Variants in DST observed in about 807,000 individuals in gnomAD.
The protein encoded by DST is bullous pemphigoid antigen.
In DST, 253 loss-of-function variants were observed where a neutral mutation model predicts 875.2. The observed-to-expected ratio is 0.29, with a 90% CI of 0.26 to 0.32. The LOEUF is 0.32. Among genes scored for constraint, DST ranks in the 10% least tolerant of loss-of-function variants. DST has a pLI of 1.00. For synonymous variants in DST, 3,124 were observed against 3,197.1 expected, an observed-to-expected ratio of 0.98 and a Z score of 0.77; for missense variants, 8,287 against 9,111.6, an observed-to-expected ratio of 0.91 and a Z score of 3.68.
intron 2 of DST, among the ~76,000 whole-genome samples, chr6:56,938,138 AAAAAAATTT>A: frequency 6.7e-6 from 1 of 149,170 alleles, no homozygotes; most frequent in African/African-American, 2.5e-5. Context: ...ATATGTTTAA[AAAAAAATTT>A]TTTTGAGATA....
At chr6:56,636,318 GTATA>G (rs1163065651) in intron 23 of DST, among the ~76,000 whole-genome samples, 2 of 149,054 alleles carry the variant, frequency 1.3e-5, no homozygotes, top group Admixed American at 6.7e-5. Context: ...AACAGTGTGT[GTATA>G]TATGTGTATA....
At chr6:56,591,602 C>T (rs1026152214) in intron 49 of DST, among the ~76,000 whole-genome samples, 1 of 152,040 alleles carries the variant, frequency 6.6e-6, no homozygotes. Flanking sequence ...AAATAAGTGG[C>T]CAGGAAAATA....
Position 56,778,091 on chromosome 6 carries a change from T to C in DST, c.626-42802A>G, listed in dbSNP as rs1003590019. On this transcript the variant is annotated intron_variant, in intron 4 of 103. Coordinates refer to ENST00000680361, the MANE Select transcript of DST (RefSeq NM_001374736.1). ...TTCAGTTATTCCAGTTACAAATTTA[T>C]TATATCACGTATAAGCACAAAAATT... 1.4e-4 allele frequency among the ~76,000 whole-genome samples: 21 copies of C among 152,152 alleles called. 1 individual carries two copies. The highest frequency in any genetic ancestry group is 4.8e-4 in the African/African-American group (20 of 41,386).
rs2098413772 is a variant in DST, at chr6:56,598,501, G to A, written c.11903C>T (p.Thr3968Ile). The A allele has an allele frequency of 1.3e-6, 2 of 1,575,454 alleles. No homozygotes were observed. The highest frequency in any genetic ancestry group is 1.4e-5 in the African/African-American group (1 of 73,822). ...CTTTTCAGTTTCTTCCTTGATTGCT[G>A]TTGTCACAACTTTATCCAGCTCCTT... ...SKKELDKVVT[T>I]AIKEETEKVA... The change falls in exon 46 of 104, where the codon ACA becomes ATA. Residue 3968 changes from threonine (T) to isoleucine (I), a missense_variant. By Grantham distance (89) the Thr-to-Ile change is moderately conservative (BLOSUM62 -1). Around this residue, in one of 10 missense-constraint regions of DST, gnomAD observed 1,513 missense variants for 1,677.8 expected, o/e 0.90. Transcript: ENST00000680361.
At chr6:56,501,931 C>T (rs568727607) in intron 78 of DST, among the ~76,000 whole-genome samples, 4 of 151,956 alleles carry the variant, frequency 2.6e-5, no homozygotes, top group Non-Finnish European at 5.9e-5. Context: ...ATAATTTTGA[C>T]ATTTCATTTC....
At position 56,476,197 on chromosome 6, in the gene DST, G is replaced by A; in HGVS notation, c.21816C>T (p.Val7272=). The part of the protein sequence containing the change: ...ETTLTDKDKE[V]IPQEIEEVKA... ...TCACCTCTTCGATCTCCTGGGGGAT[G>A]ACTTCTTTATCCTTATCAGTAAGTG... The change falls in exon 92 of 104, where the codon GTC becomes GTT. Residue 7272 remains valine, a synonymous_variant. Transcript: ENST00000680361. 1 of 1,613,008 alleles carries A rather than the reference G, an allele frequency of 6.2e-7. No homozygotes were observed. The highest frequency in any genetic ancestry group is 8.5e-7 in the Non-Finnish European group (1 of 1,179,488).
rs2096572433 is a variant in DST, at chr6:56,515,660, C to T, written c.18366G>A (p.Leu6122=). The T allele has an allele frequency of 6.3e-7, 1 of 1,597,178 alleles. No homozygotes were observed. The highest frequency in any genetic ancestry group is 1.3e-5 in the African/African-American group (1 of 74,648). ...TATCATAGTTCTTCAGTACCTTGTC[C>T]AGTTTTTTCTAGAAAATAAAAGGAT... ...EEEKQSMKKK[L]DKVLKNYDTI... is the part of the protein sequence containing the mutation. The change falls in exon 72 of 104, where the codon CTG becomes CTA. Residue 6122 remains leucine, a synonymous_variant. Transcript: ENST00000680361.
At chr6:56,683,645 A>G (rs527729998) in intron 9 of DST, among the ~76,000 whole-genome samples, 60 of 152,360 alleles carry the variant, frequency 3.9e-4, no homozygotes, top group African/African-American at 1.2e-3. Context: ...GAGCAGCAAC[A>G]AAGGAAGTAT....
chr6:56,916,037 G>A (rs1433166004), intron 2 of DST, among the ~76,000 whole-genome samples: 3 of 152,298 alleles, frequency 2.0e-5, no homozygotes, highest in East Asian at 1.9e-4. Flanking sequence ...TAGTTTAGAC[G>A]GTTCAGATAG....
At chr6:56,755,130 A>C (rs1369973987) in intron 4 of DST, among the ~76,000 whole-genome samples, 1 of 146,864 alleles carries the variant, frequency 6.8e-6, no homozygotes, top group African/African-American at 2.5e-5. Context: ...CTAATGAAGA[A>C]AATAAAAAAA....
intron 4 of DST, among the ~76,000 whole-genome samples, chr6:56,778,517 A>C (rs1339293136): frequency 1.4e-5 from 2 of 146,812 alleles, no homozygotes; most frequent in East Asian, 2.1e-4. Flanking sequence ...ATATCTCCAA[A>C]TGGTATCCCT....
At chr6:56,537,058 A>T (rs1447241974) in intron 61 of DST, 118 bp from the exon 62 acceptor site, 2 of 860,938 alleles carry the variant, frequency 2.3e-6, no homozygotes, top group Non-Finnish European at 3.5e-6. Flanking sequence ...AGAGGTAAAG[A>T]TAATTTTTAT....
intron 5 of DST, among the ~76,000 whole-genome samples, chr6:56,723,357 T>G (rs59085778): frequency 0.24 from 36,221 of 152,010 alleles, 5,625 homozygotes; most frequent in African/African-American, 0.44. Context: ...CTGAGGTCAG[T>G]GGTTCGAGAC....
chr6:56,634,643 C>G (rs1453096155), intron 25 of DST, 27 bp from the exon 26 acceptor site: 1 of 1,613,770 alleles, frequency 6.2e-7, no homozygotes, highest in East Asian at 2.2e-5. Context: ...AGCAGAATAA[C>G]TCAATGAGGT....
intron 30 of DST, among the ~76,000 whole-genome samples, chr6:56,630,907 C>T (rs950669559): frequency 6.6e-6 from 1 of 151,796 alleles, no homozygotes; most frequent in Non-Finnish European, 1.5e-5. Flanking sequence ...CTCAGCTTCC[C>T]GAGTAGCTGG....
At chr6:56,789,334 T>TA (rs959840026) in intron 4 of DST, among the ~76,000 whole-genome samples, 6 of 152,092 alleles carry the variant, frequency 3.9e-5, no homozygotes, top group Non-Finnish European at 8.8e-5. Context: ...ACCCTGCACC[T>TA]AAAAAATTAA....
At chr6:56,868,882 T>C (rs1287896682) in intron 3 of DST, among the ~76,000 whole-genome samples, 1 of 152,192 alleles carries the variant, frequency 6.6e-6, no homozygotes, top group Non-Finnish European at 1.5e-5. Context: ...CACTTCTCAA[T>C]ACCCTATGTA....
intron 4 of DST, among the ~76,000 whole-genome samples, chr6:56,805,021 AATAAAT>A (rs1223752961): frequency 1.3e-5 from 2 of 152,052 alleles, no homozygotes; most frequent in Non-Finnish European, 2.9e-5. Context: ...TAAACATTTA[AATAAAT>A]ATATATTCTA....
At position 56,557,360 on chromosome 6, in the gene DST, T is replaced by C. The variant is rs769276578; in HGVS notation, c.14599A>G (p.Ile4867Val). Residue 4867 changes from isoleucine (I) to valine (V), a missense_variant, in exon 59 of 104, where the codon ATT becomes GTT. Physicochemically the swap from Ile to Val is conservative, Grantham distance 29 (BLOSUM62 3). This residue lies in a region of DST where 1,513 missense variants were observed against 1,677.8 expected (regional missense o/e 0.90). Coordinates refer to ENST00000680361, the MANE Select transcript of DST (RefSeq NM_001374736.1). ...TGTGTGTTTAGCATATTTGGGTCAA[T>C]TGACAAGGGCCCAAGAACACTGACC... is the stretch of plus-strand genomic sequence containing the variant. ...LMVSVLGPLS[I>V]DPNMLNTQRQ... 2.2e-5 allele frequency: 36 copies of C among 1,613,606 alleles called. No individual in the cohort carries two copies. The highest frequency in any genetic ancestry group is 6.7e-5 in the Admixed American group (4 of 59,984).
Sources: allele counts gnomAD v4.1 joint callset (sites outside exome capture counted in the v4.1 genomes callset), GRCh38; gene constraint gnomAD v4.1.1; regional missense constraint gnomAD v4.1.1; transcripts MANE v1.5; gene names NCBI Gene and HGNC (gene_info 2026-07-23, HGNC 2026-07-21).